The following SLC16A7 variants were observed in gnomAD, a reference collection of about 807,000 sequenced individuals.
SLC16A7 encodes the protein monocarboxylate transporter 2.
A neutral mutation model predicts 34.9 loss-of-function variants in SLC16A7; 33 were observed. That is an observed-to-expected ratio of 0.94 (90% confidence interval 0.72 to 1.26). The LOEUF (loss-of-function observed/expected upper bound fraction) is 1.26. Ranked by LOEUF, SLC16A7 falls within the 50% of genes most tolerant of loss-of-function variation. The probability of loss-of-function intolerance (pLI) is 0.00; values close to 1 mark genes in which losing one functional copy is unlikely to be tolerated. For synonymous variants in SLC16A7, 201 were observed against 206.6 expected (o/e 0.97, Z 0.23); for missense variants, 573 against 578.1 (o/e 0.99, Z 0.09).
intron 3 of SLC16A7, among the ~76,000 whole-genome samples, chr12:59,713,016 T>TTTTC (rs1565666768): frequency 2.5e-4 from 38 of 151,854 alleles, no homozygotes; most frequent in Non-Finnish European, 3.7e-4. Flanking sequence ...CTTTTCTTTT[T>TTTTC]TTTTCTTTTC....
intron 3 of SLC16A7, among the ~76,000 whole-genome samples, chr12:59,757,340 C>A (rs1321911979): frequency 1.3e-5 from 2 of 151,998 alleles, no homozygotes; most frequent in African/African-American, 4.8e-5. Context: ...CACCATGGCA[C>A]GTGTATACCT....
intron 1 of SLC16A7, among the ~76,000 whole-genome samples, chr12:59,632,984 G>T (rs2136996086): frequency 6.6e-6 from 1 of 152,018 alleles, no homozygotes; most frequent in South Asian, 2.1e-4. Context: ...AAAAGGTGAG[G>T]TATCTATTCT....
At chr12:59,641,413 C>T (rs1330703435) in intron 1 of SLC16A7, among the ~76,000 whole-genome samples, 1 of 152,000 alleles carries the variant, frequency 6.6e-6, no homozygotes, top group African/African-American at 2.4e-5. Context: ...TTCTTACAGC[C>T]TACTTTGCTT....
At chr12:59,714,101 C>T (rs920044722) in intron 3 of SLC16A7, among the ~76,000 whole-genome samples, 1 of 152,118 alleles carries the variant, frequency 6.6e-6, no homozygotes, top group Non-Finnish European at 1.5e-5. Context: ...CAGCGTTAGT[C>T]AAGGGAGAGG....
At chr12:59,668,676 CTT>C (rs1869416413) in intron 2 of SLC16A7, among the ~76,000 whole-genome samples, 1 of 152,090 alleles carries the variant, frequency 6.6e-6, no homozygotes, top group South Asian at 2.1e-4. Context: ...TGAATTAAGA[CTT>C]TGAGGGATTT....
chr12:59,721,154 A>T (rs115137650), intron 3 of SLC16A7, among the ~76,000 whole-genome samples: 264 of 152,082 alleles, frequency 1.7e-3, no homozygotes, highest in African/African-American at 6.0e-3. Context: ...CTCTCTCGCT[A>T]TATGAGATGA....
chr12:59,686,970 G>A (rs938091264), intron 2 of SLC16A7, among the ~76,000 whole-genome samples: 1 of 151,892 alleles, frequency 6.6e-6, no homozygotes, highest in African/African-American at 2.4e-5. Context: ...CATGTGAGGT[G>A]CTATGTACGT....
intron 3 of SLC16A7, among the ~76,000 whole-genome samples, chr12:59,755,263 G>A (rs1880164717): frequency 6.6e-6 from 1 of 152,126 alleles, no homozygotes; most frequent in Non-Finnish European, 1.5e-5. Flanking sequence ...AGGGCAATTA[G>A]GCAGGGGAAG....
At chr12:59,665,326 A>G (rs1466917752) in intron 2 of SLC16A7, among the ~76,000 whole-genome samples, 1 of 152,084 alleles carries the variant, frequency 6.6e-6, no homozygotes, top group Non-Finnish European at 1.5e-5. Flanking sequence ...TTCTGAAAAT[A>G]AGACTAAATG....
intron 3 of SLC16A7, among the ~76,000 whole-genome samples, chr12:59,763,242 CTTTCTTGGTT>C (rs1356482792): frequency 4.6e-5 from 7 of 151,950 alleles, no homozygotes; most frequent in African/African-American, 1.7e-4. Flanking sequence ...AATTATATTT[CTTTCTTGGTT>C]TTTCTTGGTT....
chr12:59,761,231 G>C (rs1880981943), intron 3 of SLC16A7: 1 of 929,742 alleles, frequency 1.1e-6, no homozygotes, highest in Non-Finnish European at 1.5e-6. Flanking sequence ...TTAAATACTT[G>C]GTTGATAAGA....
At chr12:59,714,584 A>G (rs1874666503) in intron 3 of SLC16A7, among the ~76,000 whole-genome samples, 1 of 147,668 alleles carries the variant, frequency 6.8e-6, no homozygotes, top group Non-Finnish European at 1.5e-5. Flanking sequence ...TTTCCTTTTG[A>G]GATGGAGTCT....
At chr12:59,701,938 G>T (rs1355600564) in intron 2 of SLC16A7, among the ~76,000 whole-genome samples, 1 of 151,716 alleles carries the variant, frequency 6.6e-6, no homozygotes, top group Non-Finnish European at 1.5e-5. Context: ...ATAAAAGATG[G>T]TTTAGTTTTC....
rs112566635 is a variant in SLC16A7 at position 59,678,105 on chromosome 12, G to T, written c.-31+22855G>T. 1.0e-3 allele frequency among the ~76,000 whole-genome samples: 157 copies of T among 152,348 alleles called. 5 individuals carry two copies. Among genetic ancestry groups the T allele is most frequent in the African/African-American group, 3.6e-3 (148 of 41,588 alleles). On this transcript the variant is annotated intron_variant, in intron 2 of 5. Coordinates refer to ENST00000547379, the MANE Select transcript of SLC16A7 (RefSeq NM_001270623.2). ...TCAGCCACTGTGCAGAGCCAGGCATGCTGGCTGAGGTCACAGCCCTGGCTC... is the reference window on the plus strand; with the variant it reads ...TCAGCCACTGTGCAGAGCCAGGCATTCTGGCTGAGGTCACAGCCCTGGCTC...
intron 1 of SLC16A7, among the ~76,000 whole-genome samples, chr12:59,616,242 G>A (rs1879443450): frequency 6.6e-6 from 1 of 152,106 alleles, no homozygotes; most frequent in Non-Finnish European, 1.5e-5. Flanking sequence ...CTGAAGGTGG[G>A]AAGCACCCTG....
intron 1 of SLC16A7, among the ~76,000 whole-genome samples, chr12:59,654,170 T>G (rs1868415972): frequency 6.6e-6 from 1 of 151,300 alleles, no homozygotes; most frequent in Admixed American, 6.6e-5. Flanking sequence ...AGTGGTGATG[T>G]GAACAAATTT....
intron 1 of SLC16A7, among the ~76,000 whole-genome samples, chr12:59,603,625 T>C (rs2136957974): frequency 6.6e-6 from 1 of 152,296 alleles, no homozygotes; most frequent in African/African-American, 2.4e-5. Flanking sequence ...AATGTCTTAT[T>C]TGACATTGTA....
At chr12:59,702,800 C>G (rs1873048373) in intron 2 of SLC16A7, among the ~76,000 whole-genome samples, 1 of 151,716 alleles carries the variant, frequency 6.6e-6, no homozygotes, top group African/African-American at 2.4e-5. Flanking sequence ...GATTTTTTTG[C>G]TTGCTTTTTT....
chr12:59,774,184 C>G (rs988507657), intron 4 of SLC16A7, among the ~76,000 whole-genome samples: 1 of 152,174 alleles, frequency 6.6e-6, no homozygotes, highest in African/African-American at 2.4e-5. Flanking sequence ...AAGATTGTTA[C>G]AAATTACGAC....
Sources: gnomAD v4.1 joint callset for allele counts (sites outside exome capture counted in the v4.1 genomes callset) on GRCh38, gnomAD v4.1.1 for gene constraint, MANE v1.5 for transcripts, NCBI Gene and HGNC (gene_info 2026-07-23, HGNC 2026-07-21) for gene names.